COL4A3: variants seen among roughly 807,000 people sequenced by gnomAD.
COL4A3 encodes collagen type IV alpha 3 chain.
Under a neutral mutation model 217.4 loss-of-function variants are expected in COL4A3, and 135 were observed. The ratio of observed to expected loss-of-function variants is 0.62; its 90% CI spans 0.54 to 0.72. The LOEUF (loss-of-function observed/expected upper bound fraction) is 0.72. COL4A3 is among the 30% of genes least tolerant of loss of function. The pLI is 0.00. For synonymous variants in COL4A3, 690 were observed against 736.3 expected, an observed-to-expected ratio of 0.94 and a Z score of 1.02; for missense variants, 1,868 against 2,119.9, an observed-to-expected ratio of 0.88 and a Z score of 2.33.
chr2:227,204,595 C>T (rs2067029393), intron 1 of COL4A3, among the ~76,000 whole-genome samples: 1 of 152,188 alleles, frequency 6.6e-6, no homozygotes, highest in Admixed American at 6.6e-5. Context: ...TCCTTGTTGG[C>T]ATTTTCCTTC....
At chr2:227,193,704 AAAG>A (rs2066329811) in intron 1 of COL4A3, among the ~76,000 whole-genome samples, 1 of 143,196 alleles carries the variant, frequency 7.0e-6, no homozygotes, top group East Asian at 2.1e-4. Context: ...GAGTGAGGCA[AAAG>A]AAGAAAAAAG....
Position 227,269,823 on chromosome 2 carries a change from ACT to A in COL4A3, c.1505-84_1505-83del. 3 of 1,115,996 alleles carry A rather than the reference ACT, an allele frequency of 2.7e-6. No homozygotes were observed. The South Asian group carries it at 3.9e-5, about 14-fold the overall frequency. The allele number at this position is 1,115,996 out of a possible 1,614,324, so 69.1% of individuals were successfully genotyped here. On this transcript the variant is annotated intron_variant, in intron 23 of 51. Coordinates refer to ENST00000396578, the MANE Select transcript of COL4A3 (RefSeq NM_000091.5). ...TGTCTTTCTTTCCCCACAAGGAAACACTCTATTTTCTTCATACATTGTATTAC... is the reference window on the plus strand; with the variant it reads ...TGTCTTTCTTTCCCCACAAGGAAACACTATTTTCTTCATACATTGTATTAC...
At chr2:227,218,716 T>G (rs1038906852) in intron 1 of COL4A3, among the ~76,000 whole-genome samples, 7 of 152,136 alleles carry the variant, frequency 4.6e-5, no homozygotes, top group Non-Finnish European at 1.0e-4. Flanking sequence ...GTAAAGCACA[T>G]ATTAGGAAAG....
chr2:227,235,004 C>T lies in COL4A3; in HGVS notation c.88-2964C>T, dbSNP rs1291575933. ...CCGGCTTCCTCCGTGCACACTTGAGCCCAAGGTCCATGCCCAGGTTAAGCT... is the reference window on the plus strand; with the variant it reads ...CCGGCTTCCTCCGTGCACACTTGAGTCCAAGGTCCATGCCCAGGTTAAGCT... On this transcript the variant is annotated intron_variant, in intron 1 of 51. Coordinates refer to ENST00000396578, the MANE Select transcript of COL4A3 (RefSeq NM_000091.5). 2.0e-5 allele frequency among the ~76,000 whole-genome samples: 3 copies of T among 152,152 alleles called. No individual in the cohort carries two copies. The East Asian group carries it at 5.8e-4, about 29-fold the overall frequency.
At chr2:227,192,495 T>C (rs1017726904) in intron 1 of COL4A3, among the ~76,000 whole-genome samples, 4 of 152,232 alleles carry the variant, frequency 2.6e-5, no homozygotes, top group South Asian at 2.1e-4. Flanking sequence ...CAAATGATGC[T>C]GTATACATAA....
chr2:227,194,458 G>A (rs919253996), intron 1 of COL4A3, among the ~76,000 whole-genome samples: 6 of 152,082 alleles, frequency 3.9e-5, no homozygotes, highest in Non-Finnish European at 5.9e-5. Flanking sequence ...CCCTGACCTC[G>A]CTCTGCTCCT....
intron 26 of COL4A3, among the ~76,000 whole-genome samples, chr2:227,274,456 A>T: frequency 6.6e-6 from 1 of 151,452 alleles, no homozygotes. Flanking sequence ...TATTAAATAA[A>T]CAAATAAATA....
At chr2:227,285,347 C>T (rs1374769198) in intron 34 of COL4A3, among the ~76,000 whole-genome samples, 1 of 140,610 alleles carries the variant, frequency 7.1e-6, no homozygotes, top group East Asian at 2.2e-4. Context: ...GGCTGACTAA[C>T]TGGCAAGTTA....
intron 37 of COL4A3, among the ~76,000 whole-genome samples, chr2:227,292,678 A>C (rs1156417851): frequency 2.6e-5 from 4 of 152,242 alleles, no homozygotes; most frequent in Non-Finnish European, 5.9e-5. Flanking sequence ...ACATATGTGC[A>C]TGCATAGCAT....
chr2:227,202,787 C>T lies in COL4A3; in HGVS notation c.88-35181C>T, dbSNP rs1220940823. On this transcript the variant is annotated intron_variant, in intron 1 of 51. Coordinates refer to ENST00000396578, the MANE Select transcript of COL4A3 (RefSeq NM_000091.5). Reference sequence around the variant, plus strand: ...TATATATATATCACATATATATACACATGTGTATATATATAATATGTGTAT... The same window carrying T: ...TATATATATATCACATATATATACATATGTGTATATATATAATATGTGTAT... Among the ~76,000 whole-genome samples the T allele has an allele frequency of 4.4e-4, 52 of 117,270 alleles. 1 individual carries two copies. The highest frequency in any genetic ancestry group is 8.2e-4 in the Non-Finnish European group (44 of 53,406). 76.9% of individuals were successfully genotyped at this position (117,270 alleles called of 152,430 possible). A position where few individuals can be genotyped will look rare whatever the true frequency, so the allele number is the denominator to read the frequency against.
At chr2:227,256,525 T>G (rs775491431) in intron 17 of COL4A3, 129 bp downstream of exon 17, 6 of 838,730 alleles carry the variant, frequency 7.2e-6, no homozygotes, top group African/African-American at 5.0e-5. Context: ...CTACTAGGTC[T>G]GTTAAGAAGA....
intron 18 of COL4A3, among the ~76,000 whole-genome samples, chr2:227,259,008 T>C (rs553459689): frequency 6.6e-6 from 1 of 152,128 alleles, no homozygotes; most frequent in South Asian, 2.1e-4. Flanking sequence ...CAAAGAGGTT[T>C]TTTTTTTTTC....
intron 1 of COL4A3, among the ~76,000 whole-genome samples, chr2:227,235,717 T>A (rs2068652665): frequency 6.6e-6 from 1 of 151,980 alleles, no homozygotes; most frequent in Non-Finnish European, 1.5e-5. Flanking sequence ...TTACTTCACT[T>A]AGAATAATGG....
intron 1 of COL4A3, among the ~76,000 whole-genome samples, chr2:227,214,508 C>A (rs566402302): frequency 3.3e-5 from 5 of 152,298 alleles, no homozygotes; most frequent in African/African-American, 9.6e-5. Flanking sequence ...GCATCATAAC[C>A]TTTTCTATAT....
chr2:227,177,697 G>A (rs1362933938), intron 1 of COL4A3, among the ~76,000 whole-genome samples: 1 of 152,106 alleles, frequency 6.6e-6, no homozygotes, highest in African/African-American at 2.4e-5. Context: ...GTTTTAAATT[G>A]TGCACCGTTC....
At chr2:227,172,247 C>T (rs951617151) in intron 1 of COL4A3, among the ~76,000 whole-genome samples, 1 of 152,204 alleles carries the variant, frequency 6.6e-6, no homozygotes, top group Non-Finnish European at 1.5e-5. Context: ...CCAATTATTA[C>T]TTTACAAAGA....
At chr2:227,228,662 GA>G (rs1412341559) in intron 1 of COL4A3, 2 of 152,244 alleles carry the variant, frequency 1.3e-5, no homozygotes, top group East Asian at 3.9e-4. Flanking sequence ...AAATAGTCAA[GA>G]TTATTTGGAA....
chr2:227,302,302 A>G (rs1427720562), intron 43 of COL4A3, among the ~76,000 whole-genome samples: 1 of 152,186 alleles, frequency 6.6e-6, no homozygotes, highest in Admixed American at 6.5e-5. Flanking sequence ...TGGCTCTGCT[A>G]GCTTAGTGAG....
intron 36 of COL4A3, among the ~76,000 whole-genome samples, chr2:227,290,350 A>G (rs1464635595): frequency 2.0e-5 from 3 of 152,142 alleles, no homozygotes; most frequent in African/African-American, 7.2e-5. Context: ...ATACAAAAAA[A>G]ATAGCTGGGT....
Sources: allele counts gnomAD v4.1 joint callset (sites outside exome capture counted in the v4.1 genomes callset), GRCh38; gene constraint gnomAD v4.1.1; transcripts MANE v1.5; gene names NCBI Gene and HGNC (gene_info 2026-07-23, HGNC 2026-07-21).